The following RPTN variants were observed in gnomAD, a reference collection of about 807,000 sequenced individuals.
RPTN encodes the protein intermediate filament-associated protein.
In RPTN, 4 loss-of-function variants were observed where a neutral mutation model predicts 3.6. The observed-to-expected ratio is 1.12, with a 90% CI of 0.55 to 2.55. The LOEUF is 2.55. RPTN is among the 30% of genes most tolerant of loss of function. The pLI is 0.02. For missense variants in RPTN, 860 were observed against 916.7 expected (o/e 0.94, Z 0.80); for synonymous variants, 293 against 319.3 (o/e 0.92, Z 0.88).
chr1:152,154,948 GT>G lies in RPTN; in HGVS notation c.2150del (p.His717ProfsTer105), dbSNP rs762917689. The G allele has an allele frequency of 1.2e-6, 2 of 1,614,110 alleles. No individual in the cohort carries two copies. The highest frequency in any genetic ancestry group is 1.7e-6 in the Non-Finnish European group (2 of 1,180,030). ...EEQGHQTWDR[H>X]SHESQEGPCG... Reference sequence around the variant, plus strand: ...ATGGACCTTCCTGACTCTCATGGCTGTGTCTATCCCAAGTTTGATGGCCCTG... The same window carrying G: ...ATGGACCTTCCTGACTCTCATGGCTGGTCTATCCCAAGTTTGATGGCCCTG... On this transcript the variant is annotated frameshift_variant, in exon 3 of 3. Transcript: ENST00000316073. LOFTEE classifies it low-confidence loss of function (END_TRUNC).
At position 152,157,870 on chromosome 1, in the gene RPTN, C is replaced by T; in HGVS notation, c.20G>A (p.Ser7Asn). 2 of 1,613,818 alleles carry T rather than the reference C, an allele frequency of 1.2e-6. No homozygotes were observed. Among genetic ancestry groups the T allele is most frequent in the Non-Finnish European group, 1.7e-6 (2 of 1,179,822 alleles). MAQLLN[S>N]ILSVIDVFHK... ...GAATACGTCAATCACACTGAGTATG[C>T]TATTCAGGAGTTGAGCCATTTTGAC... is the stretch of plus-strand genomic sequence containing the variant. Residue 7 changes from serine to asparagine, a missense_variant, in exon 2 of 3, where the codon AGC becomes AAC. Ser to Asn is a conservative substitution (Grantham distance 46, BLOSUM62 1). Coordinates refer to ENST00000316073, the MANE Select transcript of RPTN (RefSeq NM_001122965.1).
rs370454860 is a variant in RPTN, at chr1:152,156,583, C to T, written c.516G>A (p.Gln172=). The change falls in exon 3 of 3, where the codon CAG becomes CAA. Residue 172 remains glutamine (Q), a synonymous_variant. Transcript: ENST00000316073. ...GAGAATCTCTGTCTTGTCTCTCAGG[C>T]TGACTGTGGTGGGAATCTCTGTCTT... The part of the protein sequence containing the change: ...EKQDRDSHHS[Q]PERQDRDSHH... The T allele has an allele frequency of 8.7e-6, 14 of 1,600,622 alleles. No individual in the cohort carries two copies. Among genetic ancestry groups the T allele is most frequent in the Middle Eastern group, 1.7e-4 (1 of 6,008 alleles).
In RPTN at chr1:152,153,936, A is replaced by T. The variant is rs1659139900; in HGVS notation, c.*808T>A. 6.6e-6 allele frequency: 1 copy of T among 152,472 alleles called. No individual in the cohort carries two copies. The highest frequency in any genetic ancestry group is 1.5e-5 in the Non-Finnish European group (1 of 68,060). 9.4% of individuals were successfully genotyped at this position (152,472 alleles called of 1,614,324 possible). A position where few individuals can be genotyped will look rare whatever the true frequency, so the allele number is the denominator to read the frequency against. The stretch of plus-strand genomic sequence containing the variant: ...TGAACTGAGTTTCATTCTAGTCTAG[A>T]CTATGAGGCTTGAAATTCCTGATGT... On this transcript the variant is annotated 3_prime_UTR_variant, in exon 3 of 3. Coordinates refer to ENST00000316073, the MANE Select transcript of RPTN (RefSeq NM_001122965.1).
chr1:152,158,718 T>C (rs1393980881), intron 1 of RPTN, among the ~76,000 whole-genome samples: 1 of 152,150 alleles, frequency 6.6e-6, no homozygotes, highest in Non-Finnish European at 1.5e-5. Context: ...CTGCAGAGCA[T>C]GTTGAATTGC....
chr1:152,157,044 T>C, intron 2 of RPTN, 84 bp from the exon 3 acceptor site: 1 of 1,213,388 alleles, frequency 8.2e-7, no homozygotes, highest in East Asian at 2.3e-5. Context: ...CCCCAATCCA[T>C]TCGGTGCTGC....
In RPTN at chr1:152,156,633, A is replaced by C. The variant is rs756572412; in HGVS notation, c.466T>G (p.Ser156Ala). 2 of 1,565,324 alleles carry C rather than the reference A, an allele frequency of 1.3e-6. No individual in the cohort carries two copies. Among genetic ancestry groups the C allele is most frequent in the African/African-American group, 2.7e-5 (2 of 73,418 alleles). ...HGQPERQDRD[S>A]HHGQSEKQDR... Reference sequence around the variant, plus strand: ...TGTTTCTCAGACTGACCATGGTGGGAATCTCTGTCTTGTCTCTCAGGCTGA... The same window carrying C: ...TGTTTCTCAGACTGACCATGGTGGGCATCTCTGTCTTGTCTCTCAGGCTGA... The change falls in exon 3 of 3, where the codon TCC (serine) becomes GCC (alanine). Residue 156 changes from serine (S) to alanine (A), a missense_variant. Ser to Ala is a moderately conservative substitution (Grantham distance 99). Coordinates refer to ENST00000316073, the MANE Select transcript of RPTN (RefSeq NM_001122965.1).
intron 1 of RPTN, 46 bp from the exon 2 acceptor site, chr1:152,157,955 C>T (rs1281751224): frequency 1.2e-5 from 18 of 1,532,666 alleles, no homozygotes; most frequent in Middle Eastern, 1.7e-4. Flanking sequence ...ATAATGACCA[C>T]GAGACAGCAT....
intron 2 of RPTN, 97 bp from the exon 3 acceptor site, chr1:152,157,057 G>T: frequency 9.6e-7 from 1 of 1,044,942 alleles, no homozygotes; most frequent in Non-Finnish European, 1.4e-6. Context: ...GGTGCTGCAC[G>T]GACCTTCCTA....
chr1:152,154,938 T>C lies in RPTN; in HGVS notation c.2161A>G (p.Ser721Gly). The part of the protein sequence containing the change: ...HQTWDRHSHE[S>G]QEGPCGTQDR... ...TGTGTCCCACATGGACCTTCCTGAC[T>C]CTCATGGCTGTGTCTATCCCAAGTT... The change falls in exon 3 of 3, where the codon AGT becomes GGT. Residue 721 changes from serine (S) to glycine (G), a missense_variant. Transcript: ENST00000316073. 6.2e-7 allele frequency: 1 copy of C among 1,614,134 alleles called. No homozygotes were observed. The highest frequency in any genetic ancestry group is 1.3e-5 in the African/African-American group (1 of 75,006).
Position 152,154,368 on chromosome 1 carries a change from T to G in RPTN, c.*376A>C. 2.4e-5 allele frequency: 6 copies of G among 248,842 alleles called. No homozygotes were observed. The highest frequency in any genetic ancestry group is 9.5e-5 in the East Asian group (1 of 10,504). 15.4% of individuals were successfully genotyped at this position (248,842 alleles called of 1,614,324 possible). ...AATCGAATTAAAGGTGAACTCGACA[T>G]ATAGGTTTCTTTTTTGGCTTTGTGT... On this transcript the variant is annotated 3_prime_UTR_variant, in exon 3 of 3. Transcript: ENST00000316073.
Position 152,155,217 on chromosome 1 carries a change from C to T in RPTN, c.1882G>A (p.Gly628Arg). 6.2e-7 allele frequency: 1 copy of T among 1,614,218 alleles called. No individual in the cohort carries two copies. The stretch of plus-strand genomic sequence containing the variant: ...AATCCCTGTCCCTGGTTTTGGTACC[C>T]TTCCTGTCCTGGAGTCTGTTGACTT... ...RLSQQTPGQEGYQNQGQGFQS... is the reference protein window; with the variant it reads ...RLSQQTPGQERYQNQGQGFQS... Residue 628 changes from glycine (G) to arginine (R), a missense_variant, in exon 3 of 3, where the codon GGG becomes AGG. By Grantham distance (125) the Gly-to-Arg change is moderately radical. Coordinates refer to ENST00000316073, the MANE Select transcript of RPTN (RefSeq NM_001122965.1).
At chr1:152,158,684 T>C (rs1240934894) in intron 1 of RPTN, among the ~76,000 whole-genome samples, 1 of 152,208 alleles carries the variant, frequency 6.6e-6, no homozygotes, top group Non-Finnish European at 1.5e-5. Flanking sequence ...AGTGGGTTTA[T>C]AGGCCTCCAA....
At position 152,155,994 on chromosome 1, in the gene RPTN, G is replaced by A. The variant is rs377116556; in HGVS notation, c.1105C>T (p.Gln369Ter). 9 of 1,613,614 alleles carry A rather than the reference G, an allele frequency of 5.6e-6. No homozygotes were observed. In the East Asian group the frequency reaches 1.8e-4, roughly 32 times the overall value. ...GAACTCTGACCTTGTCTGTTTGGTT[G>A]ACTGTAGTGGGAACCCTGGCCTTGT... is the stretch of plus-strand genomic sequence containing the variant. Reference protein sequence around the residue: ...NRQGQGSHYSQPNRQGQSSHY... With the variant: ...NRQGQGSHYS The change falls in exon 3 of 3, where the codon CAA becomes TAA. Residue 369 changes from glutamine to a stop codon, truncating the protein, a stop_gained. Transcript: ENST00000316073. LOFTEE classifies it low-confidence loss of function (END_TRUNC).
At position 152,154,692 on chromosome 1, in the gene RPTN, G is replaced by A; in HGVS notation, c.*52C>T. On this transcript the variant is annotated 3_prime_UTR_variant, in exon 3 of 3. Coordinates refer to ENST00000316073, the MANE Select transcript of RPTN (RefSeq NM_001122965.1). ...TACCTCTCTTTCTCCTCATAGTTTT[G>A]TCTATTATGTTGTTGCTGATGGTTT... 6.3e-7 allele frequency: 1 copy of A among 1,589,822 alleles called. No individual in the cohort carries two copies. Among genetic ancestry groups the A allele is most frequent in the Non-Finnish European group, 8.6e-7 (1 of 1,166,798 alleles).
chr1:152,157,731 C>T (rs1659235832), intron 2 of RPTN, 21 bp downstream of exon 2: 3 of 1,613,160 alleles, frequency 1.9e-6, no homozygotes, highest in Non-Finnish European at 2.5e-6. Flanking sequence ...TCTCATGGGG[C>T]TGTGTGTCTG....
Position 152,157,975 on chromosome 1 carries a change from G to A in RPTN, c.-20-66C>T, listed in dbSNP as rs543430015. 213 of 1,356,226 alleles carry A rather than the reference G, an allele frequency of 1.6e-4. 1 individual carries two copies. The highest frequency in any genetic ancestry group is 7.8e-4 in the South Asian group (63 of 81,098). 84.0% of individuals were successfully genotyped at this position (1,356,226 alleles called of 1,614,324 possible). A position where few individuals can be genotyped will look rare whatever the true frequency, so the allele number is the denominator to read the frequency against. ...GACCACGAGACAGCATTTCCAGAGGGAAAGTGACCCCTCTGGATCTGGGAG... is the reference window on the plus strand; with the variant it reads ...GACCACGAGACAGCATTTCCAGAGGAAAAGTGACCCCTCTGGATCTGGGAG... On this transcript the variant is annotated intron_variant, in intron 1 of 2. Transcript: ENST00000316073.
At chr1:152,158,596 GC>G (rs771739921) in intron 1 of RPTN, among the ~76,000 whole-genome samples, 7 of 152,262 alleles carry the variant, frequency 4.6e-5, no homozygotes, top group Non-Finnish European at 8.8e-5. Flanking sequence ...GTCCACATTG[GC>G]CATGCTGGGA....
chr1:152,158,517 T>C (rs1037700171), intron 1 of RPTN, among the ~76,000 whole-genome samples: 1 of 152,178 alleles, frequency 6.6e-6, no homozygotes, highest in Non-Finnish European at 1.5e-5. Flanking sequence ...CTGTTACAGA[T>C]AAAAATAGCA....
chr1:152,154,390 G>C lies in RPTN; in HGVS notation c.*354C>G. The C allele has an allele frequency of 3.3e-6, 1 of 299,620 alleles. No homozygotes were observed. Among genetic ancestry groups the C allele is most frequent in the Middle Eastern group, 1.1e-3 (1 of 948 alleles). 18.6% of individuals were successfully genotyped at this position (299,620 alleles called of 1,614,324 possible). On this transcript the variant is annotated 3_prime_UTR_variant, in exon 3 of 3. Transcript: ENST00000316073. Reference sequence around the variant, plus strand: ...ACATATAGGTTTCTTTTTTGGCTTTGTGTTGCTTTACCTCTGGTGCTCACA... The same window carrying C: ...ACATATAGGTTTCTTTTTTGGCTTTCTGTTGCTTTACCTCTGGTGCTCACA...
Sources: allele counts gnomAD v4.1 joint callset (sites outside exome capture counted in the v4.1 genomes callset), GRCh38; gene constraint gnomAD v4.1.1; transcripts MANE v1.5; gene names NCBI Gene and HGNC (gene_info 2026-07-23, HGNC 2026-07-21).